The following HERC4 variants were observed in gnomAD, a reference collection of about 807,000 sequenced individuals.
HERC4 encodes the protein HECT and RLD domain containing E3 ubiquitin protein ligase 4.
In HERC4, 28 loss-of-function variants were observed where a neutral mutation model predicts 124.3. That is an observed-to-expected ratio of 0.23 (90% CI 0.17 to 0.31). HERC4 has a LOEUF of 0.31. Among genes scored for constraint, HERC4 ranks in the 10% least tolerant of loss-of-function variants. HERC4 has a pLI of 1.00. For synonymous variants in HERC4, 407 were observed against 421.5 expected (o/e 0.97, Z 0.42); for missense variants, 713 against 1,229.3 (o/e 0.58, Z 6.28).
In HERC4 at chr10:68,059,891, A is replaced by AATATTATATATTATATAATATTATATATC. The variant is rs2040904377; in HGVS notation, c.226+12963_226+12991dup. ...ATATTATAATAATATTATATATCAT[A>AATATTATATATTATATAATATTATATATC]ATATTATATATTATATAATATTATA... On this transcript the variant is annotated intron_variant, in intron 3 of 24. Transcript: ENST00000373700. Among the ~76,000 whole-genome samples the AATATTATATATTATATAATATTATATATC allele has an allele frequency of 6.5e-5, 5 of 77,168 alleles. No homozygotes were observed. In the Admixed American group the frequency reaches 1.0e-3, roughly 16 times the overall value. 50.6% of individuals were successfully genotyped at this position (77,168 alleles called of 152,430 possible).
intron 3 of HERC4, among the ~76,000 whole-genome samples, chr10:68,066,171 A>T (rs948565054): frequency 6.6e-6 from 1 of 152,238 alleles, no homozygotes; most frequent in East Asian, 1.9e-4. Flanking sequence ...TATACTTTAT[A>T]GCCTAGGAAT....
chr10:68,061,330 G>A (rs189586946), intron 3 of HERC4, among the ~76,000 whole-genome samples: 36 of 151,810 alleles, frequency 2.4e-4, no homozygotes, highest in African/African-American at 8.2e-4. Flanking sequence ...TCAGGAGGTC[G>A]ATACCATCCT....
At position 68,065,984 on chromosome 10, in the gene HERC4, GA is replaced by G. The variant is rs574714667; in HGVS notation, c.226+6898del. 1.5e-3 allele frequency among the ~76,000 whole-genome samples: 213 copies of G among 144,548 alleles called. 2 individuals are homozygous for G. Among genetic ancestry groups the G allele is most frequent in the African/African-American group, 4.8e-3 (190 of 39,648 alleles). The allele number at this position is 144,548 out of a possible 152,430, so 94.8% of individuals were successfully genotyped here. On this transcript the variant is annotated intron_variant, in intron 3 of 24. Transcript: ENST00000373700. ...ATTGCCTTTTAAATTTCATCAAAAT[GA>G]AAAAAAAAAATCCAGGGGAACAGAA...
Position 68,059,696 on chromosome 10 carries a change from TATAATATTATATATC to T in HERC4, c.226+13172_226+13186del, listed in dbSNP as rs1471727016. Among the ~76,000 whole-genome samples the T allele has an allele frequency of 6.7e-5, 4 of 59,894 alleles. 1 individual carries two copies. Among genetic ancestry groups the T allele is most frequent in the Non-Finnish European group, 9.3e-5 (4 of 42,840 alleles). 39.3% of individuals were successfully genotyped at this position (59,894 alleles called of 152,430 possible). On this transcript the variant is annotated intron_variant, in intron 3 of 24. Coordinates refer to ENST00000373700, the MANE Select transcript of HERC4 (RefSeq NM_015601.4). ...TATTATATATCATAATATTATATAT[TATAATATTATATATC>T]ATAATATTATATATTATATATCATA...
intron 3 of HERC4, among the ~76,000 whole-genome samples, chr10:68,052,226 G>C (rs532860754): frequency 6.6e-6 from 1 of 152,162 alleles, no homozygotes; most frequent in South Asian, 2.1e-4. Flanking sequence ...TAACGACTTC[G>C]AATACATCTC....
chr10:67,971,604 G>C (rs774896473), intron 15 of HERC4, among the ~76,000 whole-genome samples: 1 of 151,956 alleles, frequency 6.6e-6, no homozygotes, highest in Non-Finnish European at 1.5e-5. Context: ...AACACTCTCA[G>C]CAAATGAGAA....
intron 21 of HERC4, among the ~76,000 whole-genome samples, chr10:67,939,222 T>C (rs1374787757): frequency 6.6e-6 from 1 of 152,210 alleles, no homozygotes; most frequent in Non-Finnish European, 1.5e-5. Context: ...ACTTCTGTAA[T>C]TGCAGACTCA....
At chr10:67,985,803 T>C (rs1040331204) in intron 15 of HERC4, among the ~76,000 whole-genome samples, 2 of 152,224 alleles carry the variant, frequency 1.3e-5, no homozygotes, top group Non-Finnish European at 2.9e-5. Flanking sequence ...CAATTTTTAA[T>C]TCAAAAACTT....
intron 21 of HERC4, among the ~76,000 whole-genome samples, chr10:67,937,581 T>TTTTTG (rs2032475668): frequency 6.6e-6 from 1 of 151,940 alleles, no homozygotes; most frequent in East Asian, 1.9e-4. Flanking sequence ...TAGAAAATCG[T>TTTTTG]TTTTGTTTTT....
intron 7 of HERC4, among the ~76,000 whole-genome samples, chr10:68,030,819 G>A (rs1417066594): frequency 6.6e-6 from 1 of 152,184 alleles, no homozygotes; most frequent in Non-Finnish European, 1.5e-5. Context: ...TGAAAAAAAT[G>A]TGACATCTTT....
At chr10:67,946,023 T>C (rs2033297690) in intron 19 of HERC4, among the ~76,000 whole-genome samples, 1 of 151,726 alleles carries the variant, frequency 6.6e-6, no homozygotes, top group African/African-American at 2.4e-5. Context: ...GAGGCGGAGG[T>C]AGGCAGATCA....
rs187979682 is a variant in HERC4, at chr10:68,071,474, A to C, written c.226+1409T>G. 2.3e-4 allele frequency among the ~76,000 whole-genome samples: 35 copies of C among 152,360 alleles called. 1 individual carries two copies. Among genetic ancestry groups the C allele is most frequent in the African/African-American group, 8.2e-4 (34 of 41,578 alleles). ...ATTAAAGTAATACAGAGAGATGTTCAGTTATTTCTATGGGGCATGCTAAAG... is the reference window on the plus strand; with the variant it reads ...ATTAAAGTAATACAGAGAGATGTTCCGTTATTTCTATGGGGCATGCTAAAG... On this transcript the variant is annotated intron_variant, in intron 3 of 24. Transcript: ENST00000373700.
intron 15 of HERC4, among the ~76,000 whole-genome samples, chr10:67,968,239 C>T (rs1198258824): frequency 1.3e-5 from 2 of 152,134 alleles, no homozygotes; most frequent in African/African-American, 4.8e-5. Flanking sequence ...AATCTATGTG[C>T]AAATTCCCCC....
chr10:67,932,598 T>A lies in HERC4; in HGVS notation c.2837A>T (p.Lys946Met). 1 of 1,603,582 alleles carries A rather than the reference T, an allele frequency of 6.2e-7. No homozygotes were observed. Among genetic ancestry groups the A allele is most frequent in the Non-Finnish European group, 8.5e-7 (1 of 1,176,402 alleles). Residue 946 changes from lysine (K) to methionine (M), a missense_variant and splice_region_variant, in exon 23 of 25, where the codon AAG (lysine) becomes ATG (methionine). Transcript: ENST00000373700. ...NTNYDWKELE[K>M]NTEYKGEYWA... ...TATCAGAGATTAGTTTTCCCCTACC[T>A]TTTCCAGTTCCTTCCAATCATAATT... is the stretch of plus-strand genomic sequence containing the variant.
chr10:67,998,670 C>T (rs1001425199), intron 9 of HERC4, among the ~76,000 whole-genome samples: 2 of 152,054 alleles, frequency 1.3e-5, no homozygotes, highest in Non-Finnish European at 2.9e-5. Context: ...GGTTCTCTAA[C>T]CTTATTGTTT....
intron 15 of HERC4, among the ~76,000 whole-genome samples, chr10:67,984,714 T>C (rs2036159465): frequency 6.6e-6 from 1 of 152,088 alleles, no homozygotes; most frequent in Non-Finnish European, 1.5e-5. Context: ...TTCTGAATAG[T>C]TGGTATTACA....
chr10:68,030,670 C>G (rs1243904634), intron 7 of HERC4, among the ~76,000 whole-genome samples: 1 of 152,146 alleles, frequency 6.6e-6, no homozygotes, highest in African/African-American at 2.4e-5. Context: ...TTCTTCTAGT[C>G]TTTTGCCATT....
chr10:67,988,457 T>C (rs2036380289), intron 15 of HERC4, among the ~76,000 whole-genome samples: 1 of 152,104 alleles, frequency 6.6e-6, no homozygotes, highest in African/African-American at 2.4e-5. Flanking sequence ...TATCTATACA[T>C]GCCTAACAAA....
rs548451555 is a variant in HERC4, at chr10:68,047,900, A to C, written c.227-3337T>G. On this transcript the variant is annotated intron_variant, in intron 3 of 24. Transcript: ENST00000373700. ...TTTACTCAAACACTTATGTCCACATAAACACCTGCACATGAATGTTTTGTT... is the reference window on the plus strand; with the variant it reads ...TTTACTCAAACACTTATGTCCACATCAACACCTGCACATGAATGTTTTGTT... 4.6e-5 allele frequency among the ~76,000 whole-genome samples: 7 copies of C among 152,232 alleles called. No homozygotes were observed. The South Asian group carries it at 1.0e-3, about 23-fold the overall frequency.
Sources: allele counts gnomAD v4.1 joint callset (sites outside exome capture counted in the v4.1 genomes callset), GRCh38; gene constraint gnomAD v4.1.1; transcripts MANE v1.5; gene names NCBI Gene and HGNC (gene_info 2026-07-23, HGNC 2026-07-21).